FBXW7: variants seen among roughly 807,000 people sequenced by gnomAD.
The protein encoded by FBXW7 is F-box/WD repeat-containing protein 7.
In FBXW7, 11 loss-of-function variants were observed where a neutral mutation model predicts 86.3. That is an observed-to-expected ratio of 0.13 (90% confidence interval 0.08 to 0.21). The LOEUF is 0.21. Ranked by LOEUF, FBXW7 falls within the 10% of genes least tolerant of loss-of-function variation. FBXW7 has a pLI of 1.00. For missense variants in FBXW7, 488 were observed against 847.4 expected (o/e 0.58, Z 5.27); for synonymous variants, 313 against 297.9 (o/e 1.05, Z -0.52).
chr4:152,402,085 C>G (rs1205999945), intron 4 of FBXW7, among the ~76,000 whole-genome samples: 3 of 152,058 alleles, frequency 2.0e-5, no homozygotes, highest in Non-Finnish European at 4.4e-5. Flanking sequence ...GGGGGAAATT[C>G]CCTTTGAGGG....
chr4:152,509,731 T>C (rs368242776), intron 2 of FBXW7, among the ~76,000 whole-genome samples: 27 of 152,308 alleles, frequency 1.8e-4, no homozygotes, highest in African/African-American at 6.5e-4. Context: ...TCAGTAAGTA[T>C]ATACAATTGT....
chr4:152,410,601 A>C (rs1158360646), intron 4 of FBXW7, among the ~76,000 whole-genome samples: 1 of 152,194 alleles, frequency 6.6e-6, no homozygotes, highest in African/African-American at 2.4e-5. Context: ...AGTGTGTAAG[A>C]TACTTCATTC....
chr4:152,378,520 GC>G (rs1734762998), intron 4 of FBXW7, among the ~76,000 whole-genome samples: 1 of 152,024 alleles, frequency 6.6e-6, no homozygotes, highest in East Asian at 1.9e-4. Flanking sequence ...CTATAAACCA[GC>G]AGTCAAACCA....
At chr4:152,369,501 A>G (rs1035548852) in intron 4 of FBXW7, among the ~76,000 whole-genome samples, 2 of 152,086 alleles carry the variant, frequency 1.3e-5, no homozygotes, top group African/African-American at 4.8e-5. Context: ...GATGGAAGAG[A>G]TAACTGCTCA....
rs35796895 is a variant in FBXW7, at chr4:152,362,828, CAAAA to C, written c.502-12708_502-12705del. On this transcript the variant is annotated intron_variant, in intron 4 of 13. Transcript: ENST00000281708. Reference sequence around the variant, plus strand: ...GGCAACAGAGTGAAACTCTCTCTCTCAAAAAAAAAAAAAAAAAAAAACAACAAGA... The same window carrying C: ...GGCAACAGAGTGAAACTCTCTCTCTCAAAAAAAAAAAAAAAAACAACAAGA... 6.3e-5 allele frequency among the ~76,000 whole-genome samples: 5 copies of C among 79,136 alleles called. No homozygotes were observed. In the East Asian group the frequency reaches 1.4e-3, roughly 23 times the overall value. 51.9% of individuals were successfully genotyped at this position (79,136 alleles called of 152,430 possible). A position where few individuals can be genotyped will look rare whatever the true frequency, so the allele number is the denominator to read the frequency against.
At chr4:152,461,134 A>G (rs952037216) in intron 2 of FBXW7, among the ~76,000 whole-genome samples, 2 of 152,088 alleles carry the variant, frequency 1.3e-5, no homozygotes, top group Non-Finnish European at 1.5e-5. Context: ...AAAATACAAA[A>G]ATTAGCCAGA....
At chr4:152,407,722 T>A (rs1476374737) in intron 4 of FBXW7, among the ~76,000 whole-genome samples, 1 of 151,982 alleles carries the variant, frequency 6.6e-6, no homozygotes, top group Non-Finnish European at 1.5e-5. Flanking sequence ...TCTCCACACC[T>A]CCCCCCACCC....
At chr4:152,325,886 G>T in intron 12 of FBXW7, 120 bp downstream of exon 12, 1 of 718,522 alleles carries the variant, frequency 1.4e-6, no homozygotes, top group Non-Finnish European at 2.3e-6. Flanking sequence ...AAAAACAGCA[G>T]AATAATCTGA....
intron 4 of FBXW7, chr4:152,382,221 T>C (rs772684151): frequency 3.8e-6 from 6 of 1,564,936 alleles, no homozygotes; most frequent in Non-Finnish European, 5.2e-6. Context: ...CCTTGGGCAA[T>C]GATGCTAATG....
At chr4:152,407,728 C>A (rs774949024) in intron 4 of FBXW7, among the ~76,000 whole-genome samples, 26 of 152,180 alleles carry the variant, frequency 1.7e-4, no homozygotes, top group Non-Finnish European at 3.5e-4. Context: ...CACCTCCCCC[C>A]ACCCTCTATT....
At chr4:152,346,807 G>T (rs1207170237) in intron 6 of FBXW7, 123 bp downstream of exon 6, 2 of 1,299,818 alleles carry the variant, frequency 1.5e-6, no homozygotes, top group Non-Finnish European at 2.1e-6. Context: ...TTGGCAGAAT[G>T]ATTTCAAAAT....
At chr4:152,460,525 T>G (rs1742845991) in intron 2 of FBXW7, among the ~76,000 whole-genome samples, 1 of 152,220 alleles carries the variant, frequency 6.6e-6, no homozygotes, top group African/African-American at 2.4e-5. Flanking sequence ...TGGTGAAAAT[T>G]TCCCAGTTTT....
chr4:152,448,368 C>T (rs1741598114), intron 2 of FBXW7, among the ~76,000 whole-genome samples: 1 of 152,126 alleles, frequency 6.6e-6, no homozygotes, highest in Non-Finnish European at 1.5e-5. Context: ...TTTAATTGGT[C>T]TTTTATTTTT....
At chr4:152,499,877 T>C (rs1041107242) in intron 2 of FBXW7, among the ~76,000 whole-genome samples, 5 of 152,110 alleles carry the variant, frequency 3.3e-5, no homozygotes, top group African/African-American at 1.2e-4. Context: ...CCTCTCTATT[T>C]TAGACGTAGG....
At chr4:152,404,591 T>C (rs1301421248) in intron 4 of FBXW7, among the ~76,000 whole-genome samples, 1 of 152,246 alleles carries the variant, frequency 6.6e-6, no homozygotes, top group African/African-American at 2.4e-5. Flanking sequence ...TTAAATATTC[T>C]TTCAAATGTG....
At chr4:152,378,067 G>A (rs1025881592) in intron 4 of FBXW7, among the ~76,000 whole-genome samples, 1 of 152,086 alleles carries the variant, frequency 6.6e-6, no homozygotes, top group African/African-American at 2.4e-5. Context: ...ATGATAGAAA[G>A]GCAGAGAGAG....
At chr4:152,334,097 CA>C (rs1415056699) in intron 7 of FBXW7, among the ~76,000 whole-genome samples, 1 of 152,060 alleles carries the variant, frequency 6.6e-6, no homozygotes, top group Non-Finnish European at 1.5e-5. Flanking sequence ...TCATTAATTA[CA>C]TATGTATTGA....
At chr4:152,360,958 C>G (rs1375343368) in intron 4 of FBXW7, among the ~76,000 whole-genome samples, 1 of 151,774 alleles carries the variant, frequency 6.6e-6, no homozygotes, top group Non-Finnish European at 1.5e-5. Context: ...CATCAAGCAT[C>G]TTACTAATTT....
intron 2 of FBXW7, among the ~76,000 whole-genome samples, chr4:152,526,084 A>AT (rs1179778645): frequency 6.6e-6 from 1 of 152,110 alleles, no homozygotes; most frequent in East Asian, 1.9e-4. Flanking sequence ...TGTTGGCCAC[A>AT]TGTAAGTCTT....
Sources: gnomAD v4.1 joint callset for allele counts (sites outside exome capture counted in the v4.1 genomes callset) on GRCh38, gnomAD v4.1.1 for gene constraint, MANE v1.5 for transcripts, NCBI Gene and HGNC (gene_info 2026-07-23, HGNC 2026-07-21) for gene names.